Variants in UBR4 observed in about 807,000 individuals in gnomAD.
UBR4 encodes the protein ubiquitin protein ligase E3 component n-recognin 4, also known as E3 ubiquitin-protein ligase UBR4.
In UBR4, 124 loss-of-function variants were observed where a neutral mutation model predicts 575.6. The ratio of observed to expected loss-of-function variants is 0.22; its 90% CI spans 0.19 to 0.25. The LOEUF is 0.25. UBR4 is among the 10% of genes least tolerant of loss of function. The pLI is 1.00. For synonymous variants in UBR4, 2,455 were observed against 2,473.7 expected (o/e 0.99, Z 0.22); for missense variants, 4,818 against 6,478.8 (o/e 0.74, Z 8.80).
rs140575669 is a variant in UBR4 at position 19,173,874 on chromosome 1, A to G, written c.2983-253T>C. ...CACAGACCAAAAAGGCTATTCCAAG[A>G]CAACTTTGGCTCCCCAATAATTTAC... On this transcript the variant is annotated intron_variant, in intron 22 of 105. Coordinates refer to ENST00000375254, the MANE Select transcript of UBR4 (RefSeq NM_020765.3). Among the ~76,000 whole-genome samples, 844 of 152,370 alleles carry G rather than the reference A, an allele frequency of 5.5e-3. 4 individuals carry two copies. Among genetic ancestry groups the G allele is most frequent in the Non-Finnish European group, 8.9e-3 (607 of 68,036 alleles).
intron 70 of UBR4, 103 bp downstream of exon 70, chr1:19,119,454 T>C: frequency 6.8e-7 from 1 of 1,465,288 alleles, no homozygotes; most frequent in Non-Finnish European, 9.2e-7. Flanking sequence ...AGAGGTTTCC[T>C]ATATGGACTC....
chr1:19,203,158 T>C (rs1463202123), intron 1 of UBR4, among the ~76,000 whole-genome samples: 2 of 152,020 alleles, frequency 1.3e-5, no homozygotes, highest in African/African-American at 4.8e-5. Flanking sequence ...AACAACAGTG[T>C]GGTTGAACAG....
intron 17 of UBR4, among the ~76,000 whole-genome samples, chr1:19,183,584 T>C (rs905080917): frequency 6.6e-6 from 1 of 152,162 alleles, no homozygotes; most frequent in Non-Finnish European, 1.5e-5. Flanking sequence ...TAGCCAGCCA[T>C]GGTGGCACAC....
chr1:19,124,968 T>C (rs2081565676), intron 64 of UBR4, among the ~76,000 whole-genome samples: 1 of 152,078 alleles, frequency 6.6e-6, no homozygotes, highest in Non-Finnish European at 1.5e-5. Flanking sequence ...GGGTTGATTG[T>C]ACTCTGCCTA....
At chr1:19,115,330 T>C in intron 74 of UBR4, 68 bp downstream of exon 74, 1 of 1,570,208 alleles carries the variant, frequency 6.4e-7, no homozygotes. Context: ...TTGCTCACAC[T>C]GACACTACTA....
At chr1:19,204,630 G>A (rs1473323247) in intron 1 of UBR4, among the ~76,000 whole-genome samples, 3 of 151,880 alleles carry the variant, frequency 2.0e-5, no homozygotes, top group South Asian at 2.1e-4. Context: ...CTAGAAATAC[G>A]TAACATCCTT....
chr1:19,094,044 C>CTG lies in UBR4; in HGVS notation c.13840_13841dup (p.Gln4614HisfsTer53), dbSNP rs1557543512. 1 of 1,614,168 alleles carries CTG rather than the reference C, an allele frequency of 6.2e-7. No homozygotes were observed. Among genetic ancestry groups the CTG allele is most frequent in the Admixed American group, 1.7e-5 (1 of 60,018 alleles). On this transcript the variant is annotated frameshift_variant, in exon 95 of 106. Coordinates refer to ENST00000375254, the MANE Select transcript of UBR4 (RefSeq NM_020765.3). LOFTEE classifies it high-confidence loss of function. ...GGTACGGGATGATGCGAAGCAGGCC[C>CTG]TGGAGCACACTGGGGTTGGAGCGAA...
chr1:19,137,985 C>T (rs1411207188), intron 60 of UBR4, 22 bp downstream of exon 60: 2 of 1,468,806 alleles, frequency 1.4e-6, no homozygotes, highest in East Asian at 2.4e-5. Flanking sequence ...AGCCTCTTAA[C>T]TGTGAAGGAC....
At chr1:19,094,338 T>C (rs1299543052) in intron 94 of UBR4, among the ~76,000 whole-genome samples, 199 bp from the exon 95 acceptor site, 1 of 152,218 alleles carries the variant, frequency 6.6e-6, no homozygotes, top group Non-Finnish European at 1.5e-5. Context: ...TCTGTGACAG[T>C]GCTGTTAATT....
In UBR4 at chr1:19,194,968, T is replaced by TAAATAAATA. The variant is rs751142622; in HGVS notation, c.1019-1412_1019-1411insTATTTATTT. Among the ~76,000 whole-genome samples, 825 of 151,372 alleles carry TAAATAAATA rather than the reference T, an allele frequency of 5.5e-3. 3 individuals carry two copies. Among genetic ancestry groups the TAAATAAATA allele is most frequent in the Non-Finnish European group, 8.8e-3 (597 of 67,866 alleles). Reference sequence around the variant, plus strand: ...TTTCTTAAATAAATAAATAAATAAATAATGAAATCTGGCCAGGCACGGTGG... The same window carrying TAAATAAATA: ...TTTCTTAAATAAATAAATAAATAAATAAATAAATAAATGAAATCTGGCCAGGCACGGTGG... On this transcript the variant is annotated intron_variant, in intron 8 of 105. Coordinates refer to ENST00000375254, the MANE Select transcript of UBR4 (RefSeq NM_020765.3).
Position 19,117,578 on chromosome 1 carries a change from T to G in UBR4, c.10630-164A>C, listed in dbSNP as rs1424374955. Reference sequence around the variant, plus strand: ...GGTCTCACCATCTTGCCCAGGCTGGTCTAAAACCCCTGGGCTCAGGGGATC... The same window carrying G: ...GGTCTCACCATCTTGCCCAGGCTGGGCTAAAACCCCTGGGCTCAGGGGATC... On this transcript the variant is annotated intron_variant, in intron 72 of 105. Transcript: ENST00000375254. This position sits in a 1 kb window ranked among gnomAD's most constrained non-coding sequence, Gnocchi z 4.0. Among the ~76,000 whole-genome samples, 4 of 152,152 alleles carry G rather than the reference T, an allele frequency of 2.6e-5. No individual in the cohort carries two copies. Among genetic ancestry groups the G allele is most frequent in the African/African-American group, 9.7e-5 (4 of 41,424 alleles).
chr1:19,172,143 T>C (rs1469697697), intron 25 of UBR4, among the ~76,000 whole-genome samples: 1 of 152,240 alleles, frequency 6.6e-6, no homozygotes, highest in African/African-American at 2.4e-5. Flanking sequence ...GTGTTTGTTA[T>C]AGAAAGAGTT....
intron 104 of UBR4, 78 bp downstream of exon 104, chr1:19,077,898 T>C (rs1387658027): frequency 6.2e-7 from 1 of 1,610,384 alleles, no homozygotes; most frequent in African/African-American, 1.3e-5. Flanking sequence ...ATGTGGGTGC[T>C]GAGGCAGAGT....
chr1:19,168,612 G>A (rs2088914905), intron 27 of UBR4, among the ~76,000 whole-genome samples: 1 of 152,122 alleles, frequency 6.6e-6, no homozygotes, highest in Non-Finnish European at 1.5e-5. Context: ...AAGAACTTCA[G>A]TAAGCAAATA....
At chr1:19,177,410 G>A (rs1456441499) in intron 19 of UBR4, 51 bp downstream of exon 19, 1 of 1,592,084 alleles carries the variant, frequency 6.3e-7, no homozygotes, top group Non-Finnish European at 8.6e-7. Flanking sequence ...CCATTGAGAA[G>A]AATAAAGTTC....
Position 19,183,836 on chromosome 1 carries a change from G to A in UBR4, c.2159C>T (p.Ser720Phe). 3 of 1,614,192 alleles carry A rather than the reference G, an allele frequency of 1.9e-6. No homozygotes were observed. In the South Asian group the frequency reaches 3.3e-5, roughly 18 times the overall value. ...CTGCAGGTTAGGTGACTGAAGGTCA[G>A]AGGTTACCAGTGAGTGGTTGAAGTG... ...LYHFNHSLVT[S>F]DLQSPNLQNT... The change falls in exon 17 of 106, where the codon TCT (serine) becomes TTT (phenylalanine). Residue 720 changes from serine to phenylalanine, a missense_variant. Around this residue, in one of 29 missense-constraint regions of UBR4, gnomAD observed 1,172 missense variants for 1,259.7 expected, o/e 0.93. Transcript: ENST00000375254.
chr1:19,138,368 G>A (rs2083429360), intron 59 of UBR4, among the ~76,000 whole-genome samples, 187 bp from the exon 60 acceptor site: 2 of 152,176 alleles, frequency 1.3e-5, no homozygotes, highest in Non-Finnish European at 2.9e-5. Context: ...TCTCACAGTA[G>A]CCATTCACCC....
rs1221108168 is a variant in UBR4, at chr1:19,113,951, C to T, written c.11322G>A (p.Lys3774=). The change falls in exon 76 of 106, where the codon AAG becomes AAA. Residue 3774 remains lysine (K), a synonymous_variant. Transcript: ENST00000375254. ...CTTTGCAGCGTGGGACTACCTGTGG[C>T]TTTTCTGGAGCTGCCTCATTCACTT... ...LCKVNEAAPE[K]PQDDSGTAGG... The T allele has an allele frequency of 6.2e-7, 1 of 1,614,238 alleles. No individual in the cohort carries two copies. The highest frequency in any genetic ancestry group is 8.5e-7 in the Non-Finnish European group (1 of 1,180,042).
At chr1:19,092,987 T>C in intron 96 of UBR4, 69 bp from the exon 97 acceptor site, 1 of 1,427,048 alleles carries the variant, frequency 7.0e-7, no homozygotes, top group Non-Finnish European at 9.7e-7. Flanking sequence ...AGTTGTTGAC[T>C]CTGGCTTGTT....
Sources: allele counts gnomAD v4.1 joint callset (sites outside exome capture counted in the v4.1 genomes callset), GRCh38; gene constraint gnomAD v4.1.1; regional missense constraint gnomAD v4.1.1; non-coding constraint Gnocchi (gnomAD v3.1); transcripts MANE v1.5; gene names NCBI Gene and HGNC (gene_info 2026-07-23, HGNC 2026-07-21).